The following SLC4A4 variants were observed in gnomAD, a reference collection of about 807,000 sequenced individuals.
The protein encoded by SLC4A4 is solute carrier family 4 member 4, also known as electrogenic sodium bicarbonate cotransporter 1.
Under a neutral mutation model 111.5 loss-of-function variants are expected in SLC4A4, and 27 were observed. The ratio of observed to expected loss-of-function variants is 0.24; its 90% CI spans 0.18 to 0.33. SLC4A4 has a LOEUF of 0.33. Ranked by LOEUF, SLC4A4 falls within the 10% of genes least tolerant of loss-of-function variation. The pLI is 1.00. For synonymous variants in SLC4A4, 443 were observed against 463.4 expected (o/e 0.96, Z 0.57); for missense variants, 909 against 1,315.5 (o/e 0.69, Z 4.78).
chr4:71,142,577 A>G (rs2148967003), intron 2 of SLC4A4, among the ~76,000 whole-genome samples: 1 of 152,088 alleles, frequency 6.6e-6, no homozygotes, highest in East Asian at 1.9e-4. Flanking sequence ...GATGTTATCA[A>G]TGTCAGGTAT....
At chr4:71,296,812 G>T (rs1348962516) in intron 3 of SLC4A4, among the ~76,000 whole-genome samples, 1 of 152,106 alleles carries the variant, frequency 6.6e-6, no homozygotes, top group Non-Finnish European at 1.5e-5. Flanking sequence ...TTGTGGATCT[G>T]TCATTTCACA....
intron 2 of SLC4A4, among the ~76,000 whole-genome samples, chr4:71,131,419 T>C (rs1027444770): frequency 2.6e-5 from 4 of 152,178 alleles, no homozygotes; most frequent in Admixed American, 1.3e-4. Flanking sequence ...CTTAAACAGA[T>C]GATTAAAGAC....
chr4:71,558,035 C>G, intron 22 of SLC4A4, 150 bp downstream of exon 22: 1 of 692,508 alleles, frequency 1.4e-6, no homozygotes, highest in Non-Finnish European at 2.5e-6. Context: ...TTTACATTTC[C>G]CATGTTTATG....
chr4:71,355,433 A>G (rs558705607), intron 5 of SLC4A4, among the ~76,000 whole-genome samples: 1 of 152,216 alleles, frequency 6.6e-6, no homozygotes, highest in Non-Finnish European at 1.5e-5. Flanking sequence ...TAATTACAGG[A>G]TCAATTCTGA....
intron 6 of SLC4A4, among the ~76,000 whole-genome samples, chr4:71,370,143 T>C (rs1731730197): frequency 1.3e-5 from 2 of 152,240 alleles, no homozygotes; most frequent in South Asian, 4.1e-4. Flanking sequence ...TGAAGAATCT[T>C]GTGAAGTGGC....
chr4:71,125,114 G>A (rs1453275228), intron 2 of SLC4A4, among the ~76,000 whole-genome samples: 2 of 152,122 alleles, frequency 1.3e-5, no homozygotes, highest in African/African-American at 4.8e-5. Flanking sequence ...CTATTTATAT[G>A]TATCTGGTTA....
intron 6 of SLC4A4, among the ~76,000 whole-genome samples, chr4:71,376,989 T>C (rs1732468724): frequency 6.6e-6 from 1 of 152,208 alleles, no homozygotes; most frequent in African/African-American, 2.4e-5. Context: ...GTGCCTTTCT[T>C]TTTATGAAAT....
At chr4:71,143,840 A>G (rs1744082354) in intron 2 of SLC4A4, among the ~76,000 whole-genome samples, 1 of 151,980 alleles carries the variant, frequency 6.6e-6, no homozygotes, top group African/African-American at 2.4e-5. Context: ...TAGATTCTGG[A>G]TATTAGCCCT....
chr4:71,483,656 T>C lies in SLC4A4; in HGVS notation c.1904-3292T>C, dbSNP rs114973620. 1.4e-3 allele frequency among the ~76,000 whole-genome samples: 220 copies of C among 151,774 alleles called. 1 individual carries two copies. The highest frequency in any genetic ancestry group is 5.0e-3 in the African/African-American group (208 of 41,504). On this transcript the variant is annotated intron_variant, in intron 14 of 25. Transcript: ENST00000264485. ...CATAGGTGTACATGTGTCTTTGAAA[T>C]AGAACAATTTGTATTCCATTGGGTA...
At position 71,345,005 on chromosome 4, in the gene SLC4A4, A is replaced by G. The variant is rs183630313; in HGVS notation, c.390-4907A>G. On this transcript the variant is annotated intron_variant, in intron 4 of 25. Coordinates refer to ENST00000264485, the MANE Select transcript of SLC4A4 (RefSeq NM_001098484.3). ...CAAGATTAAGTATTTATTTATATGA[A>G]GTTTAAAGTAACTCTCAACTCTATC... is the stretch of plus-strand genomic sequence containing the variant. Among the ~76,000 whole-genome samples the G allele has an allele frequency of 2.0e-5, 3 of 152,266 alleles. No homozygotes were observed. The East Asian group carries it at 5.8e-4, about 29-fold the overall frequency.
intron 1 of SLC4A4, among the ~76,000 whole-genome samples, chr4:71,224,094 G>T (rs1718914837): frequency 6.6e-6 from 1 of 152,024 alleles, no homozygotes; most frequent in African/African-American, 2.4e-5. Context: ...CTCCCAGACA[G>T]ATTTCCCTCA....
chr4:71,176,675 T>C (rs1189464435), intron 2 of SLC4A4, among the ~76,000 whole-genome samples: 1 of 152,180 alleles, frequency 6.6e-6, no homozygotes, highest in African/African-American at 2.4e-5. Flanking sequence ...AATATGGGAC[T>C]ATGTGAAAAG....
At chr4:71,463,513 A>G (rs2149094914) in intron 12 of SLC4A4, among the ~76,000 whole-genome samples, 1 of 152,314 alleles carries the variant, frequency 6.6e-6, no homozygotes, top group Non-Finnish European at 1.5e-5. Context: ...TGCAGTGTGT[A>G]TAATAAATCA....
chr4:71,100,931 A>T (rs1361857631), intron 2 of SLC4A4, among the ~76,000 whole-genome samples: 1 of 152,234 alleles, frequency 6.6e-6, no homozygotes, highest in Non-Finnish European at 1.5e-5. Context: ...AACACTGCTC[A>T]AAGAAATCAG....
chr4:71,140,180 G>A (rs1328935167), intron 2 of SLC4A4, among the ~76,000 whole-genome samples: 1 of 152,184 alleles, frequency 6.6e-6, no homozygotes, highest in Non-Finnish European at 1.5e-5. Context: ...GGACCTTTGG[G>A]AGACGAAGGT....
intron 2 of SLC4A4, among the ~76,000 whole-genome samples, chr4:71,157,506 A>T (rs1424037893): frequency 6.6e-6 from 1 of 152,180 alleles, no homozygotes; most frequent in Non-Finnish European, 1.5e-5. Flanking sequence ...TACCAAAATG[A>T]TAAAAATTAG....
At chr4:71,314,562 A>G (rs1004982147) in intron 3 of SLC4A4, among the ~76,000 whole-genome samples, 9 of 152,232 alleles carry the variant, frequency 5.9e-5, no homozygotes, top group African/African-American at 1.4e-4. Flanking sequence ...TGTGGCACAT[A>G]TACAGCATGG....
At chr4:71,087,170 T>C (rs1455239061) in intron 1 of SLC4A4, among the ~76,000 whole-genome samples, 3 of 152,124 alleles carry the variant, frequency 2.0e-5, no homozygotes, top group Non-Finnish European at 4.4e-5. Flanking sequence ...CCATTTCTTC[T>C]AGATTTTCTA....
intron 7 of SLC4A4, among the ~76,000 whole-genome samples, chr4:71,411,210 C>A (rs1721332562): frequency 6.6e-6 from 1 of 152,152 alleles, no homozygotes; most frequent in African/African-American, 2.4e-5. Flanking sequence ...GGTATTCTTC[C>A]AGTTTCACTA....
Sources: gnomAD v4.1 joint callset for allele counts (sites outside exome capture counted in the v4.1 genomes callset) on GRCh38, gnomAD v4.1.1 for gene constraint, MANE v1.5 for transcripts, NCBI Gene and HGNC (gene_info 2026-07-23, HGNC 2026-07-21) for gene names.